Variants in SH3GL3 observed in about 807,000 individuals in gnomAD.
The protein encoded by SH3GL3 is endophilin-A3.
A neutral mutation model predicts 47.7 loss-of-function variants in SH3GL3; 33 were observed. The ratio of observed to expected loss-of-function variants is 0.69; its 90% CI spans 0.52 to 0.92. The LOEUF (loss-of-function observed/expected upper bound fraction) is 0.92. SH3GL3 is among the 40% of genes least tolerant of loss of function. The probability of loss-of-function intolerance (pLI) is 0.00; values close to 1 mark genes in which losing one functional copy is unlikely to be tolerated. For missense variants in SH3GL3, 363 were observed against 417.8 expected, an observed-to-expected ratio of 0.87 and a Z score of 1.14; for synonymous variants, 155 against 148.8, an observed-to-expected ratio of 1.04 and a Z score of -0.30.
downstream of SH3GL3, among the ~76,000 whole-genome samples, chr15:83,623,566 A>G (rs2060920653): frequency 1.3e-5 from 2 of 152,172 alleles, no homozygotes; most frequent in South Asian, 2.1e-4. Context: ...GCCTGCTACC[A>G]TCTCACAGGC....
At chr15:83,512,328 T>G (rs970582522) in intron 1 of SH3GL3, among the ~76,000 whole-genome samples, 3 of 152,164 alleles carry the variant, frequency 2.0e-5, no homozygotes, top group African/African-American at 7.2e-5. Flanking sequence ...CTCTTTTCAT[T>G]TGCCTTAACA....
At chr15:83,506,751 T>G in intron 1 of SH3GL3, among the ~76,000 whole-genome samples, 1 of 152,094 alleles carries the variant, frequency 6.6e-6, no homozygotes, top group East Asian at 1.9e-4. Flanking sequence ...CAAATTCTTA[T>G]TCTAAGTTTT....
At chr15:83,611,780 T>C (rs1179329694) in intron 8 of SH3GL3, among the ~76,000 whole-genome samples, 3 of 152,148 alleles carry the variant, frequency 2.0e-5, no homozygotes, top group Non-Finnish European at 4.4e-5. Context: ...TCAGGTCCCT[T>C]GGAGAGGCTT....
At chr15:83,487,084 A>C (rs181529898) in intron 1 of SH3GL3, among the ~76,000 whole-genome samples, 38 of 152,282 alleles carry the variant, frequency 2.5e-4, no homozygotes, top group Middle Eastern at 6.8e-3. Context: ...CAGTCCATAC[A>C]ATACTCATGT....
At chr15:83,601,927 T>C (rs2060393505) in intron 8 of SH3GL3, among the ~76,000 whole-genome samples, 1 of 150,590 alleles carries the variant, frequency 6.6e-6, no homozygotes, top group South Asian at 2.1e-4. Flanking sequence ...TATTGTATTA[T>C]GCTAACACTA....
chr15:83,478,862 G>A (rs568180386), intron 1 of SH3GL3, among the ~76,000 whole-genome samples: 12 of 152,348 alleles, frequency 7.9e-5, no homozygotes, highest in African/African-American at 2.9e-4. Context: ...TGTAATAAAT[G>A]CTAGCTGATA....
In SH3GL3 at chr15:83,599,539, A is replaced by G. The variant is rs547013642; in HGVS notation, c.838+10768A>G. 2.6e-5 allele frequency among the ~76,000 whole-genome samples: 4 copies of G among 152,254 alleles called. No homozygotes were observed. The South Asian group carries it at 8.3e-4, about 31-fold the overall frequency. On this transcript the variant is annotated intron_variant, in intron 8 of 8. Coordinates refer to ENST00000427482, the MANE Select transcript of SH3GL3 (RefSeq NM_003027.5). ...AGATGCCATTAGTTCATTTCTTTTT[A>G]TGGTTGAGTAGTATTCTACCACATA... is the stretch of plus-strand genomic sequence containing the variant.
At chr15:83,595,556 G>A (rs555228272) in intron 8 of SH3GL3, among the ~76,000 whole-genome samples, 1 of 147,994 alleles carries the variant, frequency 6.8e-6, no homozygotes, top group East Asian at 2.0e-4. Flanking sequence ...AATCACTGCT[G>A]ATATTGATCT....
chr15:83,611,745 C>T (rs2060671992), intron 8 of SH3GL3, among the ~76,000 whole-genome samples: 1 of 152,098 alleles, frequency 6.6e-6, no homozygotes, highest in African/African-American at 2.4e-5. Flanking sequence ...GAGGTGCTGG[C>T]TTCTGATGGT....
At chr15:83,500,351 T>C (rs2042243803) in intron 1 of SH3GL3, among the ~76,000 whole-genome samples, 1 of 152,126 alleles carries the variant, frequency 6.6e-6, no homozygotes, top group Non-Finnish European at 1.5e-5. Flanking sequence ...TTGCAGGCAT[T>C]TTTAGGTGTG....
chr15:83,561,210 T>C (rs1021732175), intron 2 of SH3GL3, among the ~76,000 whole-genome samples: 7 of 152,170 alleles, frequency 4.6e-5, no homozygotes, highest in African/African-American at 1.7e-4. Context: ...GGAACAAATA[T>C]GGTTATCAAT....
chr15:83,541,353 A>C (rs1339108698), intron 1 of SH3GL3, among the ~76,000 whole-genome samples: 2 of 37,232 alleles, frequency 5.4e-5, no homozygotes, highest in Non-Finnish European at 9.7e-5. Flanking sequence ...TTTTTTTTTG[A>C]GACGGAGTCT....
downstream of SH3GL3, among the ~76,000 whole-genome samples, chr15:83,620,278 A>G (rs369389172): frequency 1.4e-4 from 21 of 152,336 alleles, no homozygotes; most frequent in South Asian, 3.7e-3. Context: ...CCTCCCATGA[A>G]TCACAAATGT....
intron 1 of SH3GL3, among the ~76,000 whole-genome samples, chr15:83,478,250 T>C (rs775284353): frequency 6.6e-6 from 1 of 152,146 alleles, no homozygotes; most frequent in South Asian, 2.1e-4. Context: ...ACATGAGTCA[T>C]AGTTACATCT....
the SH3GL3 span, among the ~76,000 whole-genome samples, chr15:83,624,038 C>T: frequency 2.6e-5 from 4 of 152,140 alleles, no homozygotes; most frequent in Non-Finnish European, 2.9e-5. Flanking sequence ...CCGCCCACCT[C>T]GGCCTCCCAA....
chr15:83,581,007 C>T (rs534755937), intron 6 of SH3GL3, among the ~76,000 whole-genome samples: 6 of 152,350 alleles, frequency 3.9e-5, no homozygotes, highest in Admixed American at 3.3e-4. Context: ...TCTTGTGCTA[C>T]CTGTCCATCT....
Position 83,594,151 on chromosome 15 carries a change from T to A in SH3GL3, c.838+5380T>A, listed in dbSNP as rs1316944895. On this transcript the variant is annotated intron_variant, in intron 8 of 8. Transcript: ENST00000427482. The stretch of plus-strand genomic sequence containing the variant: ...ATTTTAAAAATCAGATTGAGAGAGT[T>A]CCCTTCTAGTCATAAATAGTTTGAA... Among the ~76,000 whole-genome samples, 45 of 152,202 alleles carry A rather than the reference T, an allele frequency of 3.0e-4. 1 individual carries two copies. The highest frequency in any genetic ancestry group is 2.9e-3 in the Admixed American group (45 of 15,280).
chr15:83,489,866 GATAGATAGATAGATAGATAGATA>G (rs904965204), intron 1 of SH3GL3, among the ~76,000 whole-genome samples: 4 of 150,590 alleles, frequency 2.7e-5, no homozygotes, highest in African/African-American at 7.4e-5. Context: ...TAGATAGATA[GATAGATAGATAGATAGATAGATA>G]ATAGATAGAT....
intron 2 of SH3GL3, among the ~76,000 whole-genome samples, chr15:83,564,303 G>T (rs901398309): frequency 2.0e-5 from 3 of 152,208 alleles, no homozygotes; most frequent in African/African-American, 4.8e-5. Context: ...AATTTGGGAA[G>T]AATGCATATC....
Sources: allele counts gnomAD v4.1 joint callset (sites outside exome capture counted in the v4.1 genomes callset), GRCh38; gene constraint gnomAD v4.1.1; transcripts MANE v1.5; gene names NCBI Gene and HGNC (gene_info 2026-07-23, HGNC 2026-07-21).